PDGFRL: variants seen among roughly 807,000 people sequenced by gnomAD.
PDGFRL encodes the protein platelet-derived growth factor receptor-like protein.
Under a neutral mutation model 37.2 loss-of-function variants are expected in PDGFRL, and 46 were observed. That is an observed-to-expected ratio of 1.24 (90% CI 0.98 to 1.58). The LOEUF (loss-of-function observed/expected upper bound fraction) is 1.58. Among genes scored for constraint, PDGFRL ranks in the 40% most tolerant of loss-of-function variants. The probability of loss-of-function intolerance (pLI) is 0.00; values close to 1 mark genes in which losing one functional copy is unlikely to be tolerated. For missense variants in PDGFRL, 692 were observed against 467.6 expected (o/e 1.48, Z -4.43); for synonymous variants, 251 against 184.3 (o/e 1.36, Z -2.93).
At chr8:17,583,213 CAG>C (rs1019212781) in intron 1 of PDGFRL, among the ~76,000 whole-genome samples, 3 of 152,166 alleles carry the variant, frequency 2.0e-5, no homozygotes, top group Non-Finnish European at 4.4e-5. Flanking sequence ...AGAACTAACA[CAG>C]AGAGTCCCTA....
chr8:17,577,042 C>G, upstream of PDGFRL: 1 of 646,646 alleles, frequency 1.5e-6, no homozygotes, highest in South Asian at 2.1e-5. Flanking sequence ...CGCACCGCGG[C>G]TCCGCCAGGG....
At chr8:17,595,899 C>A (rs1804042138) in intron 2 of PDGFRL, among the ~76,000 whole-genome samples, 1 of 152,202 alleles carries the variant, frequency 6.6e-6, no homozygotes, top group Admixed American at 6.5e-5. Flanking sequence ...CAGGCAGGCC[C>A]AATGGGTAGT....
chr8:17,602,849 G>C (rs1337796065), intron 2 of PDGFRL, among the ~76,000 whole-genome samples: 1 of 152,216 alleles, frequency 6.6e-6, no homozygotes, highest in Non-Finnish European at 1.5e-5. Context: ...CATTCCAAAT[G>C]AGAACTGAGT....
At chr8:17,591,419 G>C (rs562769982) in intron 2 of PDGFRL, among the ~76,000 whole-genome samples, 8 of 152,272 alleles carry the variant, frequency 5.3e-5, no homozygotes, top group African/African-American at 1.9e-4. Context: ...GGGTGTGTAC[G>C]GGGTTACAGT....
At chr8:17,602,994 T>C (rs980387897) in intron 2 of PDGFRL, among the ~76,000 whole-genome samples, 8 of 152,230 alleles carry the variant, frequency 5.3e-5, no homozygotes, top group Non-Finnish European at 8.8e-5. Flanking sequence ...TTTATTTATT[T>C]ATTTTTGGAG....
chr8:17,577,805 C>G lies in PDGFRL; in HGVS notation c.55+498C>G, dbSNP rs1031086837. Among the ~76,000 whole-genome samples, 4 of 151,716 alleles carry G rather than the reference C, an allele frequency of 2.6e-5. No homozygotes were observed. The South Asian group carries it at 8.3e-4, about 32-fold the overall frequency. On this transcript the variant is annotated intron_variant, in intron 1 of 5. Transcript: ENST00000251630. The stretch of plus-strand genomic sequence containing the variant: ...TTCTGGGCGTGTTTTCGTCTACCAC[C>G]TTTTGCTTGAATCCTGCAAGATCTG...
chr8:17,630,142 T>C (rs913203274), intron 4 of PDGFRL, among the ~76,000 whole-genome samples: 13 of 152,186 alleles, frequency 8.5e-5, no homozygotes, highest in African/African-American at 2.9e-4. Flanking sequence ...CCCTGCCTGG[T>C]GTCCTCTGCA....
At chr8:17,606,969 C>A (rs1388879995) in intron 2 of PDGFRL, among the ~76,000 whole-genome samples, 1 of 143,712 alleles carries the variant, frequency 7.0e-6, no homozygotes, top group Non-Finnish European at 1.5e-5. Context: ...AATCTGGGCT[C>A]ACTGCAACCT....
At chr8:17,624,109 A>G (rs1358188167) in intron 3 of PDGFRL, among the ~76,000 whole-genome samples, 1 of 152,052 alleles carries the variant, frequency 6.6e-6, no homozygotes, top group Non-Finnish European at 1.5e-5. Context: ...TTTTTACTAT[A>G]GGGTTTGGCA....
chr8:17,593,078 A>G (rs1803977380), intron 2 of PDGFRL, among the ~76,000 whole-genome samples: 1 of 152,106 alleles, frequency 6.6e-6, no homozygotes, highest in South Asian at 2.1e-4. Flanking sequence ...TCTACCCTCT[A>G]GCATTGTGGA....
chr8:17,633,514 A>G (rs956448164), intron 4 of PDGFRL, among the ~76,000 whole-genome samples: 2 of 152,080 alleles, frequency 1.3e-5, no homozygotes, highest in African/African-American at 4.8e-5. Context: ...GGTGACAGAG[A>G]CCCCATTTCT....
At chr8:17,579,429 C>G (rs980221849) in intron 1 of PDGFRL, among the ~76,000 whole-genome samples, 5 of 152,132 alleles carry the variant, frequency 3.3e-5, no homozygotes, top group Non-Finnish European at 5.9e-5. Context: ...TTGGGAATAT[C>G]CTGCCTTCAA....
At chr8:17,624,056 A>AT (rs1309857724) in intron 3 of PDGFRL, among the ~76,000 whole-genome samples, 1 of 152,080 alleles carries the variant, frequency 6.6e-6, no homozygotes, top group Admixed American at 6.6e-5. Context: ...TACATCATTT[A>AT]TTTTTTCTTA....
intron 2 of PDGFRL, among the ~76,000 whole-genome samples, chr8:17,590,969 G>A (rs559910849): frequency 6.7e-6 from 1 of 149,624 alleles, no homozygotes; most frequent in Non-Finnish European, 1.5e-5. Context: ...TACAAGCTCC[G>A]CCTCCCGGGT....
At chr8:17,605,662 G>A (rs942911831) in intron 2 of PDGFRL, among the ~76,000 whole-genome samples, 5 of 152,190 alleles carry the variant, frequency 3.3e-5, no homozygotes, top group African/African-American at 4.8e-5. Context: ...GGAGATTTCA[G>A]CTATGTTGTC....
chr8:17,609,654 A>AAC (rs1454821945), intron 2 of PDGFRL, among the ~76,000 whole-genome samples: 1 of 102,352 alleles, frequency 9.8e-6, no homozygotes, highest in Non-Finnish European at 2.1e-5. Flanking sequence ...AAAAAAAAAA[A>AAC]AAAAAAAAAA....
At chr8:17,600,727 C>T (rs2150820913) in intron 2 of PDGFRL, among the ~76,000 whole-genome samples, 1 of 151,404 alleles carries the variant, frequency 6.6e-6, no homozygotes, top group South Asian at 2.1e-4. Context: ...CACTTGGGCC[C>T]AGGAGTTTGA....
In PDGFRL at chr8:17,600,748, A is replaced by C. The variant is rs1804149092; in HGVS notation, c.353+10983A>C. Among the ~76,000 whole-genome samples, 4 of 151,764 alleles carry C rather than the reference A, an allele frequency of 2.6e-5. No homozygotes were observed. The South Asian group carries it at 8.3e-4, about 32-fold the overall frequency. ...GGCCCAGGAGTTTGAGGCTGTAGTG[A>C]ACTATGATCTGTGACTGTGCTCCAG... On this transcript the variant is annotated intron_variant, in intron 2 of 5. Transcript: ENST00000251630.
intron 3 of PDGFRL, among the ~76,000 whole-genome samples, chr8:17,628,114 C>A (rs1297384131): frequency 6.6e-6 from 1 of 150,894 alleles, no homozygotes; most frequent in Non-Finnish European, 1.5e-5. Flanking sequence ...CTGCCTCAGC[C>A]TCCCGAGTAG....
Sources: allele counts gnomAD v4.1 joint callset (sites outside exome capture counted in the v4.1 genomes callset), GRCh38; gene constraint gnomAD v4.1.1; transcripts MANE v1.5; gene names NCBI Gene and HGNC (gene_info 2026-07-23, HGNC 2026-07-21).